Variants in EYS observed in about 807,000 individuals in gnomAD.
EYS encodes EGF-like photoreceptor maintenance factor.
A neutral mutation model predicts 282.1 loss-of-function variants in EYS; 250 were observed. The ratio of observed to expected loss-of-function variants is 0.89; its 90% confidence interval spans 0.80 to 0.98. The LOEUF is 0.98. EYS is among the 50% of genes least tolerant of loss of function. The pLI is 0.00. For synonymous variants in EYS, 1,355 were observed against 1,282.9 expected (o/e 1.06, Z -1.20); for missense variants, 4,016 against 3,709.0 (o/e 1.08, Z -2.15).
intron 26 of EYS, among the ~76,000 whole-genome samples, chr6:64,452,175 T>G (rs1364169269): frequency 1.3e-5 from 2 of 152,050 alleles, no homozygotes; most frequent in African/African-American, 2.4e-5. Context: ...GGATACAAAA[T>G]CAATGTGCAA....
At chr6:65,443,024 A>G (rs909400904) in intron 5 of EYS, among the ~76,000 whole-genome samples, 1 of 140,034 alleles carries the variant, frequency 7.1e-6, no homozygotes, top group African/African-American at 2.5e-5. Flanking sequence ...CTGTAAATAT[A>G]CACACATATA....
chr6:64,771,891 GTTC>G (rs1422447881), intron 22 of EYS, among the ~76,000 whole-genome samples: 1 of 151,728 alleles, frequency 6.6e-6, no homozygotes, highest in South Asian at 2.1e-4. Context: ...GATATTCTGT[GTTC>G]TTATTGTTTT....
intron 12 of EYS, among the ~76,000 whole-genome samples, chr6:65,070,610 G>T (rs1773875090): frequency 6.6e-6 from 1 of 151,654 alleles, no homozygotes; most frequent in African/African-American, 2.4e-5. Flanking sequence ...GAGGTCACTA[G>T]CATCCTGGCC....
intron 19 of EYS, among the ~76,000 whole-genome samples, chr6:64,875,541 T>A (rs191339728): frequency 6.6e-6 from 1 of 152,164 alleles, no homozygotes; most frequent in East Asian, 1.9e-4. Flanking sequence ...GCTCGCTGAG[T>A]CTTTGCTCCC....
chr6:65,278,884 G>A (rs193194837), intron 12 of EYS, among the ~76,000 whole-genome samples: 1 of 152,132 alleles, frequency 6.6e-6, no homozygotes, highest in East Asian at 1.9e-4. Flanking sequence ...GTCCTATGAG[G>A]TGTTACATAA....
At chr6:63,792,186 G>A (rs1404229778) in intron 37 of EYS, among the ~76,000 whole-genome samples, 1 of 151,628 alleles carries the variant, frequency 6.6e-6, no homozygotes, top group Admixed American at 6.6e-5. Context: ...AAAGGACTGG[G>A]GATGCACCAA....
intron 31 of EYS, among the ~76,000 whole-genome samples, chr6:64,225,897 T>C (rs1462322460): frequency 6.6e-6 from 1 of 152,184 alleles, no homozygotes; most frequent in Non-Finnish European, 1.5e-5. Context: ...TCAATTCCCA[T>C]TTATTTTCAA....
At chr6:64,192,552 A>C (rs1765148607) in intron 31 of EYS, among the ~76,000 whole-genome samples, 1 of 152,074 alleles carries the variant, frequency 6.6e-6, no homozygotes, top group Non-Finnish European at 1.5e-5. Flanking sequence ...CTGATCTTTG[A>C]CAAACCTGAG....
intron 16 of EYS, among the ~76,000 whole-genome samples, chr6:64,904,078 AG>A (rs145600027): frequency 0.024 from 3,730 of 152,282 alleles, 150 homozygotes; most frequent in African/African-American, 0.085. Context: ...AAATAACAGA[AG>A]AAACTACAAG....
At chr6:65,083,475 G>T (rs1352039904) in intron 12 of EYS, among the ~76,000 whole-genome samples, 2 of 151,864 alleles carry the variant, frequency 1.3e-5, no homozygotes, top group Non-Finnish European at 2.9e-5. Flanking sequence ...GTTAGCAAAA[G>T]TCTATGTAAT....
intron 2 of EYS, among the ~76,000 whole-genome samples, chr6:65,598,244 C>T (rs1427386226): frequency 1.8e-4 from 16 of 89,958 alleles, no homozygotes; most frequent in South Asian, 6.2e-4. Context: ...ACCCACCCCC[C>T]CCCCAAAAAA....
At chr6:64,549,532 A>G (rs1438150700) in intron 26 of EYS, among the ~76,000 whole-genome samples, 1 of 152,166 alleles carries the variant, frequency 6.6e-6, no homozygotes, top group Non-Finnish European at 1.5e-5. Context: ...TCTTTCTGCA[A>G]CAGTTATACA....
chr6:64,516,993 CTT>C (rs892049797), intron 26 of EYS, among the ~76,000 whole-genome samples: 2 of 151,790 alleles, frequency 1.3e-5, no homozygotes, highest in South Asian at 4.1e-4. Context: ...AAAGATATCT[CTT>C]AATACTAGCA....
chr6:64,463,047 C>T (rs138125355), intron 26 of EYS, among the ~76,000 whole-genome samples: 2,479 of 150,292 alleles, frequency 0.016, 22 homozygotes, highest in South Asian at 0.035. Flanking sequence ...CCCAGGTTCA[C>T]GCCATTCTCC....
intron 33 of EYS, among the ~76,000 whole-genome samples, chr6:64,033,555 C>G (rs1769965140): frequency 6.6e-6 from 1 of 151,950 alleles, no homozygotes; most frequent in South Asian, 2.1e-4. Context: ...GTCAGAAGTC[C>G]TGCTGCAAAT....
intron 18 of EYS, among the ~76,000 whole-genome samples, chr6:64,897,424 G>A (rs528496933): frequency 1.8e-4 from 28 of 152,116 alleles, no homozygotes; most frequent in Admixed American, 2.6e-4. Context: ...CAGAAAAGAC[G>A]AACACGTGAA....
intron 12 of EYS, among the ~76,000 whole-genome samples, chr6:65,235,021 G>A (rs1307799332): frequency 1.3e-5 from 2 of 152,146 alleles, no homozygotes; most frequent in African/African-American, 2.4e-5. Flanking sequence ...CCATATTAGG[G>A]GTGGGTGAAG....
At chr6:64,183,730 C>G (rs1226981169) in intron 31 of EYS, among the ~76,000 whole-genome samples, 8 of 152,054 alleles carry the variant, frequency 5.3e-5, no homozygotes, top group Non-Finnish European at 8.8e-5. Flanking sequence ...CCTTGTTTTC[C>G]AAAATTATTT....
intron 33 of EYS, among the ~76,000 whole-genome samples, chr6:64,059,574 T>C (rs1203636667): frequency 2.0e-5 from 3 of 152,218 alleles, no homozygotes; most frequent in African/African-American, 4.8e-5. Flanking sequence ...CTTCCACGTT[T>C]CTCAAGAAGT....
Sources: gnomAD v4.1 joint callset for allele counts (sites outside exome capture counted in the v4.1 genomes callset) on GRCh38, gnomAD v4.1.1 for gene constraint, MANE v1.5 for transcripts, NCBI Gene and HGNC (gene_info 2026-07-23, HGNC 2026-07-21) for gene names.